The following MTUS2 variants were observed in gnomAD, a reference collection of about 807,000 sequenced individuals.
MTUS2 encodes the protein microtubule associated scaffold protein 2, also known as microtubule-associated tumor suppressor candidate 2.
Under a neutral mutation model 114.1 loss-of-function variants are expected in MTUS2, and 40 were observed. That is an observed-to-expected ratio of 0.35 (90% CI 0.27 to 0.46). The LOEUF is 0.46. Ranked by LOEUF, MTUS2 falls within the 20% of genes least tolerant of loss-of-function variation. The pLI, the probability that MTUS2 is intolerant of heterozygous loss-of-function variation, is 1.00. For synonymous variants in MTUS2, 688 were observed against 672.0 expected (o/e 1.02, Z -0.37); for missense variants, 1,679 against 1,705.4 (o/e 0.98, Z 0.27).
chr13:29,266,833 C>T (rs150125479), intron 5 of MTUS2, among the ~76,000 whole-genome samples: 15 of 152,254 alleles, frequency 9.9e-5, no homozygotes, highest in Admixed American at 9.2e-4. Flanking sequence ...TCAAGCACAG[C>T]CTTGTATGAA....
chr13:29,343,840 A>G (rs183962404), intron 7 of MTUS2, among the ~76,000 whole-genome samples: 1 of 152,164 alleles, frequency 6.6e-6, no homozygotes, highest in Admixed American at 6.5e-5. Context: ...CAAAGGTTTT[A>G]ATAAGTTGTA....
chr13:29,357,012 A>G (rs1459102948), intron 7 of MTUS2, among the ~76,000 whole-genome samples: 1 of 152,326 alleles, frequency 6.6e-6, no homozygotes, highest in East Asian at 1.9e-4. Flanking sequence ...CCCCAGAAGA[A>G]GAGGTGAGCT....
chr13:28,868,005 A>G (rs541744653), intron 2 of MTUS2, among the ~76,000 whole-genome samples: 1 of 152,256 alleles, frequency 6.6e-6, no homozygotes, highest in South Asian at 2.1e-4. Flanking sequence ...AGACAATTGC[A>G]TTGTTTCTTG....
At chr13:29,474,584 C>G (rs1880551348) in intron 9 of MTUS2, among the ~76,000 whole-genome samples, 1 of 152,278 alleles carries the variant, frequency 6.6e-6, no homozygotes, top group South Asian at 2.1e-4. Context: ...TACAATTACA[C>G]TGTTTTGCTT....
At chr13:29,346,968 C>A (rs1391990519) in intron 7 of MTUS2, among the ~76,000 whole-genome samples, 1 of 151,548 alleles carries the variant, frequency 6.6e-6, no homozygotes, top group Admixed American at 6.6e-5. Context: ...TGTTTGGGGG[C>A]AGTCGTTCCC....
At chr13:29,141,396 G>C (rs960527492) in intron 5 of MTUS2, among the ~76,000 whole-genome samples, 1 of 152,312 alleles carries the variant, frequency 6.6e-6, no homozygotes, top group Non-Finnish European at 1.5e-5. Context: ...CAGGCAGATA[G>C]TGAGTAGAGG....
At chr13:29,137,544 T>G (rs1232977223) in intron 5 of MTUS2, among the ~76,000 whole-genome samples, 2 of 151,758 alleles carry the variant, frequency 1.3e-5, no homozygotes, top group African/African-American at 2.4e-5. Flanking sequence ...TTCAGTCTTC[T>G]TCTTCTTTCT....
intron 5 of MTUS2, among the ~76,000 whole-genome samples, chr13:29,152,343 G>A (rs1271811202): frequency 6.6e-6 from 1 of 152,144 alleles, no homozygotes; most frequent in Non-Finnish European, 1.5e-5. Context: ...GTTAGATTTA[G>A]GAGACTAATC....
chr13:29,419,079 T>C (rs2138584262), intron 8 of MTUS2, among the ~76,000 whole-genome samples: 1 of 152,356 alleles, frequency 6.6e-6, no homozygotes, highest in South Asian at 2.1e-4. Flanking sequence ...TTCACCGTTA[T>C]TCCATACACT....
chr13:29,072,733 C>G (rs1888999618), intron 4 of MTUS2, among the ~76,000 whole-genome samples: 1 of 152,142 alleles, frequency 6.6e-6, no homozygotes, highest in African/African-American at 2.4e-5. Context: ...TATGAAGGAT[C>G]CAGGGGCTTT....
intron 9 of MTUS2, among the ~76,000 whole-genome samples, chr13:29,456,800 T>C (rs900232411): frequency 2.6e-5 from 4 of 152,026 alleles, no homozygotes; most frequent in Non-Finnish European, 5.9e-5. Context: ...CTTAGATGTA[T>C]AGGAAATAAT....
intron 5 of MTUS2, among the ~76,000 whole-genome samples, chr13:29,249,852 T>TA (rs1220117823): frequency 6.6e-6 from 1 of 152,182 alleles, no homozygotes. Flanking sequence ...ACCCCATCCT[T>TA]ACACCTTATA....
chr13:29,388,379 A>C (rs7332561), intron 8 of MTUS2, among the ~76,000 whole-genome samples: 123,219 of 150,700 alleles, frequency 0.82, 51,792 homozygotes, highest in Non-Finnish European at 0.91. Flanking sequence ...GAATGTAGCA[A>C]CTTGAGTGTT....
intron 4 of MTUS2, among the ~76,000 whole-genome samples, chr13:29,065,748 C>G (rs1888634693): frequency 6.6e-6 from 1 of 152,122 alleles, no homozygotes; most frequent in African/African-American, 2.4e-5. Context: ...GAGTCTCACC[C>G]CAGATTCTCT....
At chr13:28,969,493 ATTTAT>A (rs747100754) in intron 2 of MTUS2, among the ~76,000 whole-genome samples, 2 of 151,606 alleles carry the variant, frequency 1.3e-5, no homozygotes, top group African/African-American at 4.8e-5. Flanking sequence ...GTTTTGCACT[ATTTAT>A]TTTATTTATT....
intron 6 of MTUS2, among the ~76,000 whole-genome samples, chr13:29,322,364 G>A (rs1015815445): frequency 6.6e-6 from 1 of 152,134 alleles, no homozygotes; most frequent in Admixed American, 6.5e-5. Context: ...GGTACCCTGA[G>A]GGGTACCCGT....
At chr13:28,974,668 A>G (rs12427809) in intron 2 of MTUS2, among the ~76,000 whole-genome samples, 33,281 of 152,178 alleles carry the variant, frequency 0.22, 4,048 homozygotes, top group Non-Finnish European at 0.26. Context: ...GAAAACATAC[A>G]GCTCCTGTTC....
chr13:29,269,677 A>G (rs9508328), intron 5 of MTUS2, among the ~76,000 whole-genome samples: 57,224 of 151,966 alleles, frequency 0.38, 11,129 homozygotes, highest in East Asian at 0.45. Flanking sequence ...TAACACTAGA[A>G]CTACCATATG....
At chr13:29,053,877 A>G (rs1888012915) in intron 4 of MTUS2, among the ~76,000 whole-genome samples, 1 of 152,236 alleles carries the variant, frequency 6.6e-6, no homozygotes, top group Admixed American at 6.5e-5. Context: ...ATGAATGTTC[A>G]TGTACAAGTC....
Sources: gnomAD v4.1 joint callset for allele counts (sites outside exome capture counted in the v4.1 genomes callset) on GRCh38, gnomAD v4.1.1 for gene constraint, MANE v1.5 for transcripts, NCBI Gene and HGNC (gene_info 2026-07-23, HGNC 2026-07-21) for gene names.